SEPTIN6: variants seen among roughly 807,000 people sequenced by gnomAD.
The protein encoded by SEPTIN6 is septin 6, also known as septin-6.
SEPTIN6 carries 8 observed loss-of-function variants against 33.6 expected under a neutral mutation model. That is an observed-to-expected ratio of 0.24 (90% CI 0.14 to 0.43). SEPTIN6 has a LOEUF of 0.43. SEPTIN6 is among the 20% of genes least tolerant of loss of function. SEPTIN6 has a pLI of 1.00. For synonymous variants in SEPTIN6, 131 were observed against 140.0 expected, an observed-to-expected ratio of 0.94 and a Z score of 0.45; for missense variants, 250 against 340.8, an observed-to-expected ratio of 0.73 and a Z score of 2.10.
chrX:119,622,326 G>A (rs927391792), intron 10 of SEPTIN6, among the ~76,000 whole-genome samples: 3 of 111,685 alleles, frequency 2.7e-5, no homozygotes, highest in Non-Finnish European at 3.8e-5. Context: ...TATAAGTAGT[G>A]CCTCAAGCAA....
In SEPTIN6 at chrX:119,675,557, C is replaced by T. The variant is rs751182700; in HGVS notation, c.142G>A (p.Val48Met). 15 of 1,121,652 alleles carry T rather than the reference C, an allele frequency of 1.3e-5. No individual in the cohort carries two copies. In the South Asian group the frequency reaches 2.1e-4, roughly 16 times the overall value. 92.4% of individuals were successfully genotyped at this position (1,121,652 alleles called of 1,213,427 possible). A position where few individuals can be genotyped will look rare whatever the true frequency, so the allele number is the denominator to read the frequency against. The change falls in exon 2 of 11, where the codon GTG becomes ATG. Residue 48 changes from valine (V) to methionine (M), a missense_variant. Coordinates refer to ENST00000394610, the MANE Select transcript of SEPTIN6 (RefSeq NM_145799.4). ...SQGFCFNILC[V>M]GETGLGKSTL... Reference sequence around the variant, plus strand: ...TTCCTGCTATGGAAATACTCACCCACGCACAGGATGTTGAAGCAGAAGCCC... The same window carrying T: ...TTCCTGCTATGGAAATACTCACCCATGCACAGGATGTTGAAGCAGAAGCCC...
chrX:119,670,222 G>A (rs2054717713), intron 2 of SEPTIN6, among the ~76,000 whole-genome samples: 1 of 111,194 alleles, frequency 9.0e-6, no homozygotes, highest in Non-Finnish European at 1.9e-5. Flanking sequence ...ATATATTGGA[G>A]AGGAGTCATA....
In SEPTIN6 at chrX:119,647,481, CTCTT is replaced by C. The variant is rs1233129643; in HGVS notation, c.690+2452_690+2455del. 7.3e-5 allele frequency among the ~76,000 whole-genome samples: 4 copies of C among 54,536 alleles called. No individual in the cohort carries two copies. In the East Asian group the frequency reaches 1.4e-3, roughly 19 times the overall value. The allele number at this position is 54,536 out of a possible 115,157, so 47.4% of individuals were successfully genotyped here. On this transcript the variant is annotated intron_variant, in intron 5 of 10. Transcript: ENST00000394610. ...TTTTTCTTTCCTTTCCTTTCTCTCTCTCTTTTTTTTTTTTTGTGAGACAGGGTGT... is the reference window on the plus strand; with the variant it reads ...TTTTTCTTTCCTTTCCTTTCTCTCTCTTTTTTTTTTTGTGAGACAGGGTGT...
chrX:119,616,832 T>C (rs774635308), downstream of SEPTIN6: 11 of 1,074,825 alleles, frequency 1.0e-5, no homozygotes, highest in African/African-American at 1.7e-4. Context: ...GAATGGGCAA[T>C]ATTGAGGTAG....
chrX:119,641,446 A>G (rs1414867079), intron 5 of SEPTIN6, among the ~76,000 whole-genome samples: 1 of 112,266 alleles, frequency 8.9e-6, no homozygotes, highest in African/African-American at 3.2e-5. Flanking sequence ...AGGAGCTTAC[A>G]GTCTTGTTGA....
chrX:119,663,458 A>AACCCC, intron 3 of SEPTIN6, 24 bp downstream of exon 3: 23 of 730,594 alleles, frequency 3.1e-5, no homozygotes, highest in East Asian at 1.5e-4. Context: ...TCCCCACCCT[A>AACCCC]CCCCACCCCA....
Position 119,675,539 on chromosome X carries a change from T to C in SEPTIN6, c.145+15A>G. On this transcript the variant is annotated intron_variant, in intron 2 of 10. Transcript: ENST00000394610. ...CATATTCTGTAATAGAATTTCCTGC[T>C]ATGGAAATACTCACCCACGCACAGG... The C allele has an allele frequency of 2.0e-6, 2 of 1,013,545 alleles. No homozygotes were observed. Among genetic ancestry groups the C allele is most frequent in the South Asian group, 2.4e-5 (1 of 40,846 alleles). 83.5% of individuals were successfully genotyped at this position (1,013,545 alleles called of 1,213,427 possible). A position where few individuals can be genotyped will look rare whatever the true frequency, so the allele number is the denominator to read the frequency against.
rs759616032 is a variant in SEPTIN6, at chrX:119,619,449, G to A, written c.*644C>T. The A allele has an allele frequency of 3.1e-5, 25 of 813,419 alleles. No individual in the cohort carries two copies. Among genetic ancestry groups the A allele is most frequent in the East Asian group, 6.6e-5 (1 of 15,113 alleles). The allele number at this position is 813,419 out of a possible 1,213,427, so 67.0% of individuals were successfully genotyped here. On this transcript the variant is annotated 3_prime_UTR_variant, in exon 11 of 11. Transcript: ENST00000394610. ...GGAAGGGCTTGGTGTAAATAAATGC[G>A]TTGCCGATTTTGAGCACAGCTTGAG...
intron 1 of SEPTIN6, among the ~76,000 whole-genome samples, chrX:119,684,906 A>G (rs778453582): frequency 1.2e-4 from 13 of 111,862 alleles, no homozygotes; most frequent in Admixed American, 4.8e-4. Flanking sequence ...GCAATGCCCT[A>G]TCCTGGGAAA....
chrX:119,639,082 C>G (rs185508819), intron 6 of SEPTIN6, among the ~76,000 whole-genome samples: 153 of 112,230 alleles, frequency 1.4e-3, no homozygotes, highest in African/African-American at 4.6e-3. Flanking sequence ...GCATCCCCAG[C>G]TCCGAACAGC....
intron 1 of SEPTIN6, among the ~76,000 whole-genome samples, chrX:119,687,226 CTTCTTTCT>C (rs775835757): frequency 9.5e-6 from 1 of 105,152 alleles, no homozygotes; most frequent in Admixed American, 1.0e-4. Context: ...TCCTTCTTTC[CTTCTTTCT>C]TTCTTTCATC....
chrX:119,680,381 G>A (rs1046309607), intron 1 of SEPTIN6, among the ~76,000 whole-genome samples: 1 of 108,535 alleles, frequency 9.2e-6, no homozygotes, highest in East Asian at 2.9e-4. Context: ...GGTAATTTTT[G>A]TATTTTTAGT....
At chrX:119,628,680 G>A (rs1365892974) in intron 9 of SEPTIN6, 2 of 110,906 alleles carry the variant, frequency 1.8e-5, no homozygotes, top group African/African-American at 6.5e-5. Flanking sequence ...TAATTTTTTT[G>A]TATTTTTAGT....
rs955241193 is a variant in SEPTIN6 at position 119,618,695 on chromosome X, G to A, written c.*1398C>T. 1 of 1,200,468 alleles carries A rather than the reference G, an allele frequency of 8.3e-7. No individual in the cohort carries two copies. Among genetic ancestry groups the A allele is most frequent in the Non-Finnish European group, 1.1e-6 (1 of 889,818 alleles). Reference sequence around the variant, plus strand: ...CTGCCTGGCACCCCAAAGGAAAGCTGTCAGTTAAAATAGGAACCTCGGCTT... The same window carrying A: ...CTGCCTGGCACCCCAAAGGAAAGCTATCAGTTAAAATAGGAACCTCGGCTT... On this transcript the variant is annotated 3_prime_UTR_variant, in exon 11 of 11. Coordinates refer to ENST00000394610, the MANE Select transcript of SEPTIN6 (RefSeq NM_145799.4).
In SEPTIN6 at chrX:119,620,184, G is replaced by C. The variant is rs2147428966; in HGVS notation, c.*42-133C>G. 3 of 507,670 alleles carry C rather than the reference G, an allele frequency of 5.9e-6. No homozygotes were observed. In the East Asian group the frequency reaches 1.1e-4, roughly 19 times the overall value. The allele number at this position is 507,670 out of a possible 1,213,427, so 41.8% of individuals were successfully genotyped here. On this transcript the variant is annotated intron_variant, in intron 10 of 10. Coordinates refer to ENST00000394610, the MANE Select transcript of SEPTIN6 (RefSeq NM_145799.4). The stretch of plus-strand genomic sequence containing the variant: ...ATATAGCTATGTTAGATGGTCTTAA[G>C]GTCTTATTGCATTGGCTCCGGGGAA...
chrX:119,686,856 T>G (rs1006095911), intron 1 of SEPTIN6, among the ~76,000 whole-genome samples: 1 of 111,773 alleles, frequency 8.9e-6, no homozygotes, highest in Admixed American at 9.5e-5. Context: ...TCAGAGAGTC[T>G]CCGAATCACC....
intron 1 of SEPTIN6, among the ~76,000 whole-genome samples, chrX:119,692,162 C>T (rs2055183559): frequency 9.1e-6 from 1 of 109,839 alleles, no homozygotes; most frequent in South Asian, 3.9e-4. Context: ...ACCGCTTTTG[C>T]GAGTCTCACA....
chrX:119,679,576 T>C (rs981992121), intron 1 of SEPTIN6, among the ~76,000 whole-genome samples: 26 of 111,914 alleles, frequency 2.3e-4, no homozygotes, highest in African/African-American at 8.4e-4. Context: ...GGGATGAGCC[T>C]CTGCCGGGAG....
chrX:119,678,845 C>A (rs1328172487), intron 1 of SEPTIN6, among the ~76,000 whole-genome samples: 1 of 111,526 alleles, frequency 9.0e-6, no homozygotes, highest in African/African-American at 3.3e-5. Flanking sequence ...AAATTCAGCA[C>A]CATGAAGCTT....
Sources: allele counts gnomAD v4.1 joint callset (sites outside exome capture counted in the v4.1 genomes callset), GRCh38; gene constraint gnomAD v4.1.1; transcripts MANE v1.5; gene names NCBI Gene and HGNC (gene_info 2026-07-23, HGNC 2026-07-21).